Variants in PTCHD4 observed in about 807,000 individuals in gnomAD.
PTCHD4 encodes the protein patched domain-containing protein 4.
PTCHD4 carries 33 observed loss-of-function variants against 58.1 expected under a neutral mutation model. The observed-to-expected ratio is 0.57, with a 90% CI of 0.43 to 0.76. PTCHD4 has a LOEUF of 0.76. PTCHD4 is among the 30% of genes least tolerant of loss of function. The probability of loss-of-function intolerance (pLI) is 0.00; values close to 1 mark genes in which losing one functional copy is unlikely to be tolerated. For missense variants in PTCHD4, 1,058 were observed against 1,027.1 expected (o/e 1.03, Z -0.41); for synonymous variants, 478 against 409.6 (o/e 1.17, Z -2.02).
chr6:47,947,805 T>C (rs1766482751), intron 4 of PTCHD4, among the ~76,000 whole-genome samples: 1 of 152,190 alleles, frequency 6.6e-6, no homozygotes, highest in African/African-American at 2.4e-5. Context: ...CTCTGAGAAA[T>C]TGAGGCATTT....
At position 47,874,899 on chromosome 6, in the gene PTCHD4, A is replaced by T. The variant is rs1763807484; in HGVS notation, c.*3404T>A. ...TAAAGAATCAAATCTCTAAGGTATG[A>T]TTACCTTTAACCATAAACGGTAAAA... On this transcript the variant is annotated 3_prime_UTR_variant, in exon 5 of 5. Coordinates refer to ENST00000339488, the MANE Select transcript of PTCHD4 (RefSeq NM_001384253.1). 6.6e-6 allele frequency among the ~76,000 whole-genome samples: 1 copy of T among 151,810 alleles called. No individual in the cohort carries two copies.
At chr6:48,109,763 G>C (rs1765824846) in intron 1 of PTCHD4, among the ~76,000 whole-genome samples, 1 of 152,030 alleles carries the variant, frequency 6.6e-6, no homozygotes, top group Non-Finnish European at 1.5e-5. Context: ...TTTAAAATGA[G>C]CACAGGACCT....
At chr6:48,031,724 A>G (rs1002700304) in intron 3 of PTCHD4, among the ~76,000 whole-genome samples, 5 of 152,098 alleles carry the variant, frequency 3.3e-5, no homozygotes, top group African/African-American at 1.2e-4. Flanking sequence ...CCAAAAATAC[A>G]TTAAACAAGG....
chr6:47,985,512 A>G (rs1294599557), intron 4 of PTCHD4, among the ~76,000 whole-genome samples: 10 of 152,166 alleles, frequency 6.6e-5, no homozygotes. Context: ...GTAAAAAAGT[A>G]GAACAATTTA....
In PTCHD4 at chr6:47,875,180, C is replaced by G. The variant is rs993056233; in HGVS notation, c.*3123G>C. 6.6e-6 allele frequency among the ~76,000 whole-genome samples: 1 copy of G among 151,878 alleles called. No individual in the cohort carries two copies. Among genetic ancestry groups the G allele is most frequent in the Non-Finnish European group, 1.5e-5 (1 of 67,878 alleles). On this transcript the variant is annotated 3_prime_UTR_variant, in exon 5 of 5. Coordinates refer to ENST00000339488, the MANE Select transcript of PTCHD4 (RefSeq NM_001384253.1). The stretch of plus-strand genomic sequence containing the variant: ...AACATATTTCCCACAAATTTCTTCT[C>G]TTCTAGGAGTTGATTGGTCATCTGC...
At position 47,875,193 on chromosome 6, in the gene PTCHD4, A is replaced by T. The variant is rs1581807883; in HGVS notation, c.*3110T>A. Among the ~76,000 whole-genome samples the T allele has an allele frequency of 1.3e-5, 2 of 151,870 alleles. No homozygotes were observed. Among genetic ancestry groups the T allele is most frequent in the East Asian group, 3.9e-4 (2 of 5,158 alleles). On this transcript the variant is annotated 3_prime_UTR_variant, in exon 5 of 5. Transcript: ENST00000339488. The stretch of plus-strand genomic sequence containing the variant: ...CAAATTTCTTCTCTTCTAGGAGTTG[A>T]TTGGTCATCTGCTGACAACAGATAA...
intron 3 of PTCHD4, among the ~76,000 whole-genome samples, chr6:48,066,942 G>A (rs963020158): frequency 2.0e-5 from 3 of 151,404 alleles, no homozygotes; most frequent in Admixed American, 6.6e-5. Context: ...TATAGATGCC[G>A]ACTATATCAA....
At chr6:47,921,636 C>T (rs572288048) in intron 4 of PTCHD4, among the ~76,000 whole-genome samples, 48 of 152,016 alleles carry the variant, frequency 3.2e-4, no homozygotes, top group Admixed American at 2.7e-3. Context: ...TCCTTTTATC[C>T]CCCTCCTTAA....
chr6:48,057,098 T>C (rs1473426218), intron 3 of PTCHD4, among the ~76,000 whole-genome samples: 2 of 152,236 alleles, frequency 1.3e-5, no homozygotes, highest in Admixed American at 1.3e-4. Flanking sequence ...CTCTGCAACC[T>C]TTCCTTAGCT....
chr6:48,041,964 C>T (rs189028103), intron 3 of PTCHD4, among the ~76,000 whole-genome samples: 2 of 152,114 alleles, frequency 1.3e-5, no homozygotes, highest in East Asian at 3.9e-4. Flanking sequence ...TTGCTGACTG[C>T]TATAGTTTAA....
Position 48,007,936 on chromosome 6 carries a change from G to GCA in PTCHD4, c.898+696_898+697dup, listed in dbSNP as rs10554552. Among the ~76,000 whole-genome samples the GCA allele has an allele frequency of 1.4e-3, 218 of 150,350 alleles. 1 individual carries two copies. The highest frequency in any genetic ancestry group is 1.9e-3 in the Non-Finnish European group (125 of 67,504). ...TCTTTGAAAGAATATGTGCGCGCGC[G>GCA]CACACACACACACACACACACACAC... On this transcript the variant is annotated intron_variant, in intron 4 of 4. Coordinates refer to ENST00000339488, the MANE Select transcript of PTCHD4 (RefSeq NM_001384253.1).
At chr6:47,963,329 T>G (rs1372914870) in intron 4 of PTCHD4, among the ~76,000 whole-genome samples, 1 of 151,794 alleles carries the variant, frequency 6.6e-6, no homozygotes, top group African/African-American at 2.4e-5. Context: ...AATAAATAAA[T>G]AAAAAGATAA....
chr6:48,062,402 A>T (rs1162708029), intron 3 of PTCHD4, among the ~76,000 whole-genome samples: 3 of 152,152 alleles, frequency 2.0e-5, no homozygotes, highest in Non-Finnish European at 4.4e-5. Flanking sequence ...CTATCATCAG[A>T]TAAGCTGAAG....
chr6:47,946,897 G>A lies in PTCHD4; in HGVS notation c.898+61737C>T, dbSNP rs945583658. Among the ~76,000 whole-genome samples the A allele has an allele frequency of 2.6e-5, 4 of 152,198 alleles. No homozygotes were observed. The Middle Eastern group carries it at 0.014, about 518-fold the overall frequency. On this transcript the variant is annotated intron_variant, in intron 4 of 4. Transcript: ENST00000339488. ...CTTGCTCTGTCACCTAGGGTAGAGT[G>A]CAGTGCCATGATCATAGCTCTTTGC... is the stretch of plus-strand genomic sequence containing the variant.
intron 3 of PTCHD4, among the ~76,000 whole-genome samples, chr6:48,054,285 A>T (rs990773046): frequency 4.6e-5 from 7 of 152,184 alleles, no homozygotes; most frequent in African/African-American, 1.7e-4. Context: ...TCTTGGATAT[A>T]GTCCTTAACA....
intron 3 of PTCHD4, among the ~76,000 whole-genome samples, chr6:48,012,861 G>A (rs1024116189): frequency 3.9e-5 from 6 of 152,120 alleles, no homozygotes; most frequent in African/African-American, 9.7e-5. Flanking sequence ...TTCTGTTTAA[G>A]TGATGGATTA....
In PTCHD4 at chr6:47,857,445, C is replaced by A. The variant is rs1264436373; in HGVS notation, c.*20858G>T. Among the ~76,000 whole-genome samples, 1 of 152,044 alleles carries A rather than the reference C, an allele frequency of 6.6e-6. No individual in the cohort carries two copies. The highest frequency in any genetic ancestry group is 6.6e-5 in the Admixed American group (1 of 15,226). On this transcript the variant is annotated 3_prime_UTR_variant, in exon 5 of 5. Transcript: ENST00000339488. Reference sequence around the variant, plus strand: ...AGCAAGACGGTATCACACTGACTTCCTGATCATGTCCTTTTGGCAAGATAA... The same window carrying A: ...AGCAAGACGGTATCACACTGACTTCATGATCATGTCCTTTTGGCAAGATAA...
chr6:48,085,604 A>G (rs1765248227), intron 1 of PTCHD4, among the ~76,000 whole-genome samples: 1 of 152,224 alleles, frequency 6.6e-6, no homozygotes, highest in African/African-American at 2.4e-5. Context: ...CAGAAAGTTG[A>G]CAGTCCTAAT....
At chr6:48,089,261 T>C (rs1296202987) in intron 1 of PTCHD4, among the ~76,000 whole-genome samples, 2 of 152,186 alleles carry the variant, frequency 1.3e-5, no homozygotes, top group African/African-American at 2.4e-5. Flanking sequence ...TTAGGAATAA[T>C]CTAAGTATTC....
Sources: gnomAD v4.1 joint callset for allele counts (sites outside exome capture counted in the v4.1 genomes callset) on GRCh38, gnomAD v4.1.1 for gene constraint, MANE v1.5 for transcripts, NCBI Gene and HGNC (gene_info 2026-07-23, HGNC 2026-07-21) for gene names.